Variants in TMPRSS11F observed in about 807,000 individuals in gnomAD.
TMPRSS11F encodes transmembrane protease serine 11F.
TMPRSS11F carries 47 observed loss-of-function variants against 60.2 expected under a neutral mutation model. The ratio of observed to expected loss-of-function variants is 0.78; its 90% CI spans 0.62 to 1.00. The LOEUF (loss-of-function observed/expected upper bound fraction) is 1.00. Ranked by LOEUF, TMPRSS11F falls within the 50% of genes least tolerant of loss-of-function variation. The pLI is 0.00. For synonymous variants in TMPRSS11F, 166 were observed against 167.3 expected, an observed-to-expected ratio of 0.99 and a Z score of 0.06; for missense variants, 519 against 522.9, an observed-to-expected ratio of 0.99 and a Z score of 0.07.
At chr4:68,058,779 G>A (rs1723096558) in intron 9 of TMPRSS11F, among the ~76,000 whole-genome samples, 1 of 152,146 alleles carries the variant, frequency 6.6e-6, no homozygotes, top group Non-Finnish European at 1.5e-5. Flanking sequence ...TAGTTAAAAA[G>A]CAAGGGGGAA....
intron 1 of TMPRSS11F, among the ~76,000 whole-genome samples, chr4:68,125,265 TA>T (rs1305539412): frequency 6.6e-6 from 1 of 151,896 alleles, no homozygotes; most frequent in African/African-American, 2.4e-5. Context: ...CATCACCTGA[TA>T]ATAATGCTAT....
intron 8 of TMPRSS11F, among the ~76,000 whole-genome samples, chr4:68,060,353 A>C (rs1723138144): frequency 7.0e-6 from 1 of 143,572 alleles, no homozygotes; most frequent in South Asian, 2.2e-4. Flanking sequence ...TAAAAATACA[A>C]AAAAAAAAAA....
intron 1 of TMPRSS11F, among the ~76,000 whole-genome samples, chr4:68,103,277 C>T (rs902934373): frequency 6.6e-6 from 1 of 151,300 alleles, no homozygotes; most frequent in Non-Finnish European, 1.5e-5. Flanking sequence ...TCTGTCTCTA[C>T]AAAAAAAATA....
intron 3 of TMPRSS11F, among the ~76,000 whole-genome samples, chr4:68,083,408 T>A (rs1244268366): frequency 6.6e-6 from 1 of 152,090 alleles, no homozygotes; most frequent in African/African-American, 2.4e-5. Flanking sequence ...GCAAACACAC[T>A]GAAATACACA....
At chr4:68,124,170 G>A (rs1183613603) in intron 1 of TMPRSS11F, among the ~76,000 whole-genome samples, 1 of 151,048 alleles carries the variant, frequency 6.6e-6, no homozygotes, top group East Asian at 1.9e-4. Context: ...GCAATGAGCC[G>A]AGATTGCACC....
At chr4:68,078,143 C>G (rs1723623463) in intron 3 of TMPRSS11F, among the ~76,000 whole-genome samples, 1 of 152,174 alleles carries the variant, frequency 6.6e-6, no homozygotes, top group South Asian at 2.1e-4. Flanking sequence ...CTGCTTAACT[C>G]TTTTGTAACC....
rs575204596 is a variant in TMPRSS11F at position 68,057,557 on chromosome 4, T to C, written c.1158+1769A>G. Among the ~76,000 whole-genome samples, 65 of 152,108 alleles carry C rather than the reference T, an allele frequency of 4.3e-4. 2 individuals are homozygous for C. The South Asian group carries it at 0.013, about 31-fold the overall frequency. The stretch of plus-strand genomic sequence containing the variant: ...GCAAACAAAACAAAACAACAATTAA[T>C]AAAGTGAAGAGACAACTCACAGAAT... On this transcript the variant is annotated intron_variant, in intron 9 of 9. Coordinates refer to ENST00000356291, the MANE Select transcript of TMPRSS11F (RefSeq NM_207407.2).
chr4:68,060,187 C>CAA lies in TMPRSS11F; in HGVS notation c.1016-721_1016-720dup, dbSNP rs34182036. Among the ~76,000 whole-genome samples the CAA allele has an allele frequency of 6.1e-4, 89 of 146,482 alleles. No homozygotes were observed. In the East Asian group the frequency reaches 0.013, roughly 21 times the overall value. On this transcript the variant is annotated intron_variant, in intron 8 of 9. Coordinates refer to ENST00000356291, the MANE Select transcript of TMPRSS11F (RefSeq NM_207407.2). ...AACTTTTCATATAATAAAATTCTGT[C>CAA]AAAAAAAAAAGCTAGATTAAGATAT...
intron 9 of TMPRSS11F, among the ~76,000 whole-genome samples, chr4:68,054,362 T>C (rs1722999717): frequency 6.6e-6 from 1 of 152,148 alleles, no homozygotes; most frequent in African/African-American, 2.4e-5. Context: ...TTAGTAACTA[T>C]GTATATAAAA....
intron 3 of TMPRSS11F, chr4:68,077,437 G>A (rs1026333366): frequency 6.6e-6 from 1 of 152,206 alleles, no homozygotes; most frequent in East Asian, 1.9e-4. Context: ...TTGATGCCCT[G>A]ACTTTTGTAA....
chr4:68,090,418 C>A, intron 3 of TMPRSS11F, 105 bp downstream of exon 3: 1 of 1,417,278 alleles, frequency 7.1e-7, no homozygotes. Context: ...ATAGTATCTC[C>A]ATTATGCAAA....
intron 3 of TMPRSS11F, among the ~76,000 whole-genome samples, chr4:68,086,082 T>A (rs1723805654): frequency 6.6e-6 from 1 of 152,078 alleles, no homozygotes; most frequent in Non-Finnish European, 1.5e-5. Context: ...TATATATTTG[T>A]CTCATCTGCA....
chr4:68,064,932 T>C lies in TMPRSS11F; in HGVS notation c.768A>G (p.Pro256=). 4 of 1,611,990 alleles carry C rather than the reference T, an allele frequency of 2.5e-6. No homozygotes were observed. The highest frequency in any genetic ancestry group is 3.4e-6 in the Non-Finnish European group (4 of 1,179,258). The part of the protein sequence containing the change: ...AAHCFWKNKD[P]TQWIATFGAT... ...CACCAAAAGTAGCAATCCATTGAGT[T>C]GGGTCTTTATTTCTGCAAAAAATTA... Residue 256 remains proline, a synonymous_variant, in exon 8 of 10, where the codon CCA becomes CCG. Transcript: ENST00000356291.
In TMPRSS11F at chr4:68,072,433, G is replaced by A; in HGVS notation, c.404C>T (p.Ser135Phe). 1 of 1,587,976 alleles carries A rather than the reference G, an allele frequency of 6.3e-7. No homozygotes were observed. The highest frequency in any genetic ancestry group is 1.3e-5 in the African/African-American group (1 of 74,478). Residue 135 changes from serine (S) to phenylalanine (F), a missense_variant, in exon 5 of 10, where the codon TCT becomes TTT. Transcript: ENST00000356291. ...ILIVLIFRYP[S>F]TDSAEQIKKK... ...CTTGATTTGTTCAGCACTATCAGTA[G>A]ATGGGTATCGAAATATGAGCACTAT...
intron 1 of TMPRSS11F, among the ~76,000 whole-genome samples, chr4:68,102,116 T>C (rs1272710506): frequency 6.6e-6 from 1 of 152,174 alleles, no homozygotes; most frequent in Non-Finnish European, 1.5e-5. Context: ...TTAGCTAATA[T>C]CCTCCAGGCT....
In TMPRSS11F at chr4:68,129,863, C is replaced by G; in HGVS notation, c.-43G>C. The G allele has an allele frequency of 6.2e-7, 1 of 1,607,804 alleles. No individual in the cohort carries two copies. The stretch of plus-strand genomic sequence containing the variant: ...AGCTTCTATTCAGTCACCATCTGAT[C>G]TGTATCAGCAGGTTAGGACTTGGAG... On this transcript the variant is annotated 5_prime_UTR_variant, in exon 1 of 10. Coordinates refer to ENST00000356291, the MANE Select transcript of TMPRSS11F (RefSeq NM_207407.2).
intron 7 of TMPRSS11F, among the ~76,000 whole-genome samples, chr4:68,068,313 T>G (rs1723372217): frequency 6.6e-6 from 1 of 152,122 alleles, no homozygotes; most frequent in African/African-American, 2.4e-5. Flanking sequence ...GTAAAAGAGA[T>G]TAAACTTGTT....
chr4:68,090,668 C>A, intron 2 of TMPRSS11F, 27 bp from the exon 3 acceptor site: 2 of 1,579,112 alleles, frequency 1.3e-6, no homozygotes, highest in South Asian at 2.3e-5. Context: ...ACAAAAGTCT[C>A]ATGGTTAAAG....
chr4:68,062,828 C>T (rs775264530), intron 8 of TMPRSS11F: 6 of 764,634 alleles, frequency 7.8e-6, no homozygotes, highest in Admixed American at 7.0e-5. Context: ...CGTGGATTTC[C>T]GTAGAGTTAA....
Sources: gnomAD v4.1 joint callset for allele counts (sites outside exome capture counted in the v4.1 genomes callset) on GRCh38, gnomAD v4.1.1 for gene constraint, MANE v1.5 for transcripts, NCBI Gene and HGNC (gene_info 2026-07-23, HGNC 2026-07-21) for gene names.